Variants in BLTP3B observed in about 807,000 individuals in gnomAD.
BLTP3B encodes bridge-like lipid transfer protein family member 3B.
chr12:100,071,623 A>G, the BLTP3B span, among the ~76,000 whole-genome samples: 3 of 152,206 alleles, frequency 2.0e-5, no homozygotes, highest in African/African-American at 4.8e-5. Context: ...TTAATATTCA[A>G]AGAATACAAA....
chr12:100,107,802 A>C, the BLTP3B span, among the ~76,000 whole-genome samples: 179 of 152,294 alleles, frequency 1.2e-3, 1 homozygote, highest in Middle Eastern at 0.01. Context: ...TGGCACAATC[A>C]TGACTCACTG....
chr12:100,093,922 CT>C, the BLTP3B span, among the ~76,000 whole-genome samples: 2 of 152,044 alleles, frequency 1.3e-5, no homozygotes, highest in Admixed American at 6.6e-5. Context: ...TCTGAAATGC[CT>C]TTTCCCTATG....
At chr12:100,056,923 C>T in the BLTP3B span, among the ~76,000 whole-genome samples, 1 of 152,080 alleles carries the variant, frequency 6.6e-6, no homozygotes, top group Non-Finnish European at 1.5e-5. Flanking sequence ...GACTATGGCC[C>T]ATGCTTCTAA....
chr12:100,088,080 T>G, the BLTP3B span, among the ~76,000 whole-genome samples: 3 of 152,178 alleles, frequency 2.0e-5, no homozygotes, highest in Non-Finnish European at 4.4e-5. Flanking sequence ...TAACTTCTAC[T>G]GCTAAGTATC....
chr12:100,053,419 T>C, the BLTP3B span, among the ~76,000 whole-genome samples: 7 of 151,956 alleles, frequency 4.6e-5, no homozygotes, highest in Non-Finnish European at 7.4e-5. Context: ...AAAATATATA[T>C]ATTTTTTGGC....
At chr12:100,091,113 G>A in the BLTP3B span, among the ~76,000 whole-genome samples, 1 of 148,936 alleles carries the variant, frequency 6.7e-6, no homozygotes, top group Non-Finnish European at 1.5e-5. Flanking sequence ...TGCAACGTCC[G>A]CCTGCTGGGT....
At chr12:100,037,643 A>G in the BLTP3B span, 1 of 1,608,460 alleles carries the variant, frequency 6.2e-7, no homozygotes, top group South Asian at 1.1e-5. Flanking sequence ...CTGCTATTCA[A>G]CTGTCATCTT....
the BLTP3B span, among the ~76,000 whole-genome samples, chr12:100,120,611 A>G: frequency 6.6e-6 from 1 of 152,220 alleles, no homozygotes; most frequent in Non-Finnish European, 1.5e-5. Context: ...GAACTCTCAT[A>G]TACGTATTTG....
the BLTP3B span, among the ~76,000 whole-genome samples, chr12:100,043,340 C>A: frequency 2.0e-5 from 3 of 152,172 alleles, no homozygotes; most frequent in African/African-American, 7.2e-5. Flanking sequence ...TGTGAAAACG[C>A]TATTCTTTCC....
At chr12:100,142,540 G>C in the BLTP3B span, 1,677 of 1,587,400 alleles carry the variant, frequency 1.1e-3, 1 homozygote, top group Non-Finnish European at 1.3e-3. Context: ...GCTGACTCCA[G>C]TGCGGGCTGG....
chr12:100,132,470 C>A, the BLTP3B span, among the ~76,000 whole-genome samples: 550 of 152,172 alleles, frequency 3.6e-3, 5 homozygotes, highest in African/African-American at 0.013. Flanking sequence ...TTCTCACGTG[C>A]GTAGGTTGTT....
the BLTP3B span, among the ~76,000 whole-genome samples, chr12:100,075,156 C>T: frequency 9.9e-5 from 15 of 151,798 alleles, no homozygotes; most frequent in African/African-American, 2.4e-4. Context: ...GGATTACAGG[C>T]GCGCACCACC....
At chr12:100,055,491 T>G in the BLTP3B span, among the ~76,000 whole-genome samples, 45 of 151,780 alleles carry the variant, frequency 3.0e-4, 1 homozygote, top group South Asian at 9.0e-3. Context: ...TGCCTGGCCA[T>G]CATGGTGAAA....
At chr12:100,054,818 A>G in the BLTP3B span, among the ~76,000 whole-genome samples, 6 of 152,184 alleles carry the variant, frequency 3.9e-5, no homozygotes, top group Admixed American at 3.9e-4. Context: ...CAGTCAGACT[A>G]GCTGACAACT....
At chr12:100,084,685 T>C in the BLTP3B span, 35 of 1,592,898 alleles carry the variant, frequency 2.2e-5, no homozygotes, top group South Asian at 9.0e-5. Flanking sequence ...AGGTATTTCA[T>C]TGAAAAATGT....
the BLTP3B span, among the ~76,000 whole-genome samples, chr12:100,141,385 ATATG>A: frequency 0.031 from 4,708 of 151,830 alleles, 97 homozygotes; most frequent in Non-Finnish European, 0.049. Context: ...GTACACATAT[ATATG>A]TATGTGTATA....
At chr12:100,059,942 T>C in the BLTP3B span, 1 of 1,612,738 alleles carries the variant, frequency 6.2e-7, no homozygotes, top group Non-Finnish European at 8.5e-7. Context: ...TGATTAAGAC[T>C]CTGTTTTAAA....
the BLTP3B span, among the ~76,000 whole-genome samples, chr12:100,038,208 G>A: frequency 2.0e-5 from 3 of 151,852 alleles, no homozygotes; most frequent in Non-Finnish European, 4.4e-5. Context: ...TCCATTGCTC[G>A]GTCGTCTTCT....
At chr12:100,126,965 T>C in the BLTP3B span, among the ~76,000 whole-genome samples, 1 of 152,060 alleles carries the variant, frequency 6.6e-6, no homozygotes, top group Non-Finnish European at 1.5e-5. Context: ...AAGGAATGAA[T>C]CTTGGTAGGT....
Sources: allele counts gnomAD v4.1 joint callset (sites outside exome capture counted in the v4.1 genomes callset), GRCh38; gene constraint gnomAD v4.1.1; transcripts MANE v1.5; gene names NCBI Gene and HGNC (gene_info 2026-07-23, HGNC 2026-07-21).